The following LHFPL6 variants were observed in gnomAD, a reference collection of about 807,000 sequenced individuals.
LHFPL6 encodes LHFPL tetraspan subfamily member 6.
In LHFPL6, 9 loss-of-function variants were observed where a neutral mutation model predicts 20.6. The observed-to-expected ratio is 0.44, with a 90% CI of 0.26 to 0.76. The LOEUF is 0.76. LHFPL6 is among the 30% of genes least tolerant of loss of function. LHFPL6 has a pLI of 0.20. For missense variants in LHFPL6, 218 were observed against 253.5 expected (o/e 0.86, Z 0.95); for synonymous variants, 105 against 98.7 (o/e 1.06, Z -0.38).
At position 39,343,645 on chromosome 13, in the gene LHFPL6, GT is replaced by G; in HGVS notation, c.*290del. On this transcript the variant is annotated 3_prime_UTR_variant, in exon 4 of 4. Coordinates refer to ENST00000379589, the MANE Select transcript of LHFPL6 (RefSeq NM_005780.3). ...TGTGTGTGTGTGTGTGTGTGTGTGT[GT>G]GTGTTGTACATTAACAATACTCTGT... 1 of 301,058 alleles carries G rather than the reference GT, an allele frequency of 3.3e-6. No homozygotes were observed. The highest frequency in any genetic ancestry group is 6.1e-6 in the Non-Finnish European group (1 of 164,208). The allele number at this position is 301,058 out of a possible 1,614,324, so 18.6% of individuals were successfully genotyped here. A position where few individuals can be genotyped will look rare whatever the true frequency, so the allele number is the denominator to read the frequency against.
intron 2 of LHFPL6, among the ~76,000 whole-genome samples, chr13:39,426,349 T>C (rs1487118016): frequency 6.6e-6 from 1 of 151,828 alleles, no homozygotes; most frequent in African/African-American, 2.4e-5. Flanking sequence ...GCCTCCCGAG[T>C]AGCAGGGATT....
chr13:39,510,995 C>T (rs1384139689), intron 2 of LHFPL6, among the ~76,000 whole-genome samples: 2 of 152,126 alleles, frequency 1.3e-5, no homozygotes, highest in East Asian at 1.9e-4. Flanking sequence ...GCATCAGCTT[C>T]CCGAGTAGGT....
At chr13:39,422,772 T>C (rs976058584) in intron 2 of LHFPL6, among the ~76,000 whole-genome samples, 3 of 152,064 alleles carry the variant, frequency 2.0e-5, no homozygotes, top group African/African-American at 7.2e-5. Flanking sequence ...ATTAGTCCAT[T>C]CTCATGCTGC....
At chr13:39,462,967 A>G (rs1035325802) in intron 2 of LHFPL6, among the ~76,000 whole-genome samples, 3 of 152,136 alleles carry the variant, frequency 2.0e-5, no homozygotes, top group Non-Finnish European at 4.4e-5. Flanking sequence ...AGTTCTCCAA[A>G]AAGGGTGCCA....
At chr13:39,386,791 A>G (rs1240200341) in intron 2 of LHFPL6, among the ~76,000 whole-genome samples, 1 of 152,178 alleles carries the variant, frequency 6.6e-6, no homozygotes, top group Non-Finnish European at 1.5e-5. Flanking sequence ...GCCAGACTCA[A>G]AGACATTTCT....
In LHFPL6 at chr13:39,603,162, G is replaced by A. The variant is rs1257515282; in HGVS notation, c.-454C>T. ...GCGCTGTGGGCGCGCGCGGGCGCCG[G>A]GGATCGCACGCAGAGGAGCGGATCT... On this transcript the variant is annotated 5_prime_UTR_variant, in exon 1 of 4. Coordinates refer to ENST00000379589, the MANE Select transcript of LHFPL6 (RefSeq NM_005780.3). The A allele has an allele frequency of 6.6e-6, 1 of 152,358 alleles. No homozygotes were observed. The highest frequency in any genetic ancestry group is 2.1e-4 in the South Asian group (1 of 4,840). The allele number at this position is 152,358 out of a possible 1,614,324, so 9.4% of individuals were successfully genotyped here.
chr13:39,584,628 G>T (rs1388718546), intron 2 of LHFPL6, among the ~76,000 whole-genome samples: 1 of 151,376 alleles, frequency 6.6e-6, no homozygotes, highest in Non-Finnish European at 1.5e-5. Flanking sequence ...TTCTTCTTTG[G>T]AGTAATTTTA....
chr13:39,380,510 GTTTTTTTT>G (rs56370946), intron 2 of LHFPL6, among the ~76,000 whole-genome samples: 1 of 133,552 alleles, frequency 7.5e-6, no homozygotes, highest in Non-Finnish European at 1.6e-5. Context: ...GGTGGCATCA[GTTTTTTTT>G]TTTTTTTTTT....
At chr13:39,352,939 G>GTATATATATATATA (rs1415406896) in intron 3 of LHFPL6, among the ~76,000 whole-genome samples, 1 of 49,076 alleles carries the variant, frequency 2.0e-5, no homozygotes, top group Non-Finnish European at 3.9e-5. Context: ...ATATATATGT[G>GTATATATATATATA]TGTATATATA....
At chr13:39,430,594 T>C (rs1426460822) in intron 2 of LHFPL6, among the ~76,000 whole-genome samples, 3 of 152,224 alleles carry the variant, frequency 2.0e-5, no homozygotes, top group African/African-American at 7.2e-5. Context: ...CTTCCTGGGT[T>C]GAGTGGGGAC....
At chr13:39,349,147 G>C (rs1339136830) in intron 3 of LHFPL6, among the ~76,000 whole-genome samples, 1 of 152,090 alleles carries the variant, frequency 6.6e-6, no homozygotes, top group African/African-American at 2.4e-5. Context: ...AAAAGAAAAA[G>C]AGTCCTTCAT....
At chr13:39,551,876 G>C (rs1022630805) in intron 2 of LHFPL6, among the ~76,000 whole-genome samples, 1 of 130,448 alleles carries the variant, frequency 7.7e-6, no homozygotes, top group Non-Finnish European at 1.8e-5. Flanking sequence ...GCTTAAAACA[G>C]GGACAAAAGT....
chr13:39,367,197 CAG>C (rs1272614966), intron 3 of LHFPL6, among the ~76,000 whole-genome samples: 1 of 152,176 alleles, frequency 6.6e-6, no homozygotes, highest in Non-Finnish European at 1.5e-5. Flanking sequence ...ACCACAGACA[CAG>C]GGGATCACTA....
rs149062191 is a variant in LHFPL6, at chr13:39,401,550, G to A, written c.386-23024C>T. 4.5e-4 allele frequency among the ~76,000 whole-genome samples: 69 copies of A among 152,310 alleles called. 1 individual carries two copies. In the East Asian group the frequency reaches 0.012, roughly 26 times the overall value. ...GGCTGGCACTGAAGCAGAAAGATAA[G>A]CAGCATGAGTATTTATGAGCTTTTT... On this transcript the variant is annotated intron_variant, in intron 2 of 3. Transcript: ENST00000379589.
At chr13:39,399,177 A>G (rs1043244119) in intron 2 of LHFPL6, among the ~76,000 whole-genome samples, 1 of 152,228 alleles carries the variant, frequency 6.6e-6, no homozygotes, top group Non-Finnish European at 1.5e-5. Context: ...TTGTAAGCCA[A>G]AAGAGCATAG....
At chr13:39,356,771 T>C (rs1869737772) in intron 3 of LHFPL6, among the ~76,000 whole-genome samples, 1 of 152,158 alleles carries the variant, frequency 6.6e-6, no homozygotes, top group Non-Finnish European at 1.5e-5. Flanking sequence ...CTAGAGGAAA[T>C]AGGTAAATTC....
chr13:39,499,519 T>C (rs146096263), intron 2 of LHFPL6, among the ~76,000 whole-genome samples: 57 of 152,290 alleles, frequency 3.7e-4, no homozygotes, highest in African/African-American at 1.3e-3. Flanking sequence ...AACCAGCCCA[T>C]GCCCACTCTC....
In LHFPL6 at chr13:39,600,996, A is replaced by T. The variant is rs1872924424; in HGVS notation, c.221T>A (p.Phe74Tyr). Residue 74 changes from phenylalanine to tyrosine, a missense_variant, in exon 2 of 4, where the codon TTC becomes TAC. By Grantham distance (22) the Phe-to-Tyr change is conservative (BLOSUM62 3). Coordinates refer to ENST00000379589, the MANE Select transcript of LHFPL6 (RefSeq NM_005780.3). ...MVEECGRYAS[F>Y]QGIPSAEWRI... ...CCATTCTGCGCTGGGGATGCCCTGG[A>T]AGGAGGCATAGCGCCCACATTCCTC... is the stretch of plus-strand genomic sequence containing the variant. 2 of 1,613,848 alleles carry T rather than the reference A, an allele frequency of 1.2e-6. No homozygotes were observed. The highest frequency in any genetic ancestry group is 1.7e-6 in the Non-Finnish European group (2 of 1,179,922).
intron 2 of LHFPL6, among the ~76,000 whole-genome samples, chr13:39,443,573 CAGA>C (rs1422340453): frequency 6.6e-6 from 1 of 151,830 alleles, no homozygotes; most frequent in East Asian, 1.9e-4. Flanking sequence ...GGTGAGGGGT[CAGA>C]AGAAGACAAG....
Sources: gnomAD v4.1 joint callset for allele counts (sites outside exome capture counted in the v4.1 genomes callset) on GRCh38, gnomAD v4.1.1 for gene constraint, MANE v1.5 for transcripts, NCBI Gene and HGNC (gene_info 2026-07-23, HGNC 2026-07-21) for gene names.